The following CAMK1D variants were observed in gnomAD, a reference collection of about 807,000 sequenced individuals.
CAMK1D encodes the protein calcium/calmodulin-dependent protein kinase type 1D.
A neutral mutation model predicts 47.7 loss-of-function variants in CAMK1D; 9 were observed. That is an observed-to-expected ratio of 0.19 (90% CI 0.11 to 0.33). The LOEUF is 0.33. Ranked by LOEUF, CAMK1D falls within the 10% of genes least tolerant of loss-of-function variation. The pLI, the probability that CAMK1D is intolerant of heterozygous loss-of-function variation, is 1.00. For missense variants in CAMK1D, 291 were observed against 488.7 expected (o/e 0.60, Z 3.81); for synonymous variants, 184 against 184.9 (o/e 0.99, Z 0.04).
intron 1 of CAMK1D, among the ~76,000 whole-genome samples, chr10:12,535,617 C>T (rs1359439741): frequency 6.6e-6 from 1 of 152,212 alleles, no homozygotes; most frequent in Non-Finnish European, 1.5e-5. Context: ...TGGTCCTGTA[C>T]TCTGCAAACA....
intron 6 of CAMK1D, among the ~76,000 whole-genome samples, chr10:12,804,729 T>A (rs536148435): frequency 6.7e-6 from 1 of 148,898 alleles, no homozygotes; most frequent in East Asian, 2.0e-4. Flanking sequence ...AGCCTAGGAG[T>A]TCGAGACCAG....
At position 12,361,717 on chromosome 10, in the gene CAMK1D, G is replaced by A. The variant is rs529126454; in HGVS notation, c.92+11807G>A. ...ATTACAGGCGCCCACCACCACGCCT[G>A]GCTAATTTTTGTATTTTTAGTAGAG... On this transcript the variant is annotated intron_variant, in intron 1 of 10. Transcript: ENST00000619168. Among the ~76,000 whole-genome samples the A allele has an allele frequency of 5.5e-3, 816 of 148,840 alleles. 3 individuals carry two copies. The highest frequency in any genetic ancestry group is 0.028 in the South Asian group (129 of 4,652).
At chr10:12,765,532 T>C (rs1193804139) in intron 4 of CAMK1D, among the ~76,000 whole-genome samples, 1 of 152,142 alleles carries the variant, frequency 6.6e-6, no homozygotes, top group East Asian at 1.9e-4. Flanking sequence ...GTCCAGTAGG[T>C]CCAGTTTTTA....
At chr10:12,806,458 C>T (rs2493759) in intron 6 of CAMK1D, among the ~76,000 whole-genome samples, 25 of 152,348 alleles carry the variant, frequency 1.6e-4, no homozygotes, top group African/African-American at 6.0e-4. Context: ...TGTCAGACTG[C>T]TCTCTCTTCC....
At chr10:12,568,158 TTCCC>T (rs1238037708) in intron 2 of CAMK1D, among the ~76,000 whole-genome samples, 4,602 of 59,982 alleles carry the variant, frequency 0.077, 421 homozygotes, top group African/African-American at 0.24. Context: ...CCCTGTTTCC[TTCCC>T]TCCCTCCCTC....
chr10:12,798,204 C>T (rs1025727466), intron 6 of CAMK1D, among the ~76,000 whole-genome samples: 1 of 152,164 alleles, frequency 6.6e-6, no homozygotes, highest in African/African-American at 2.4e-5. Flanking sequence ...TCATCTTAAC[C>T]CCATCTCCTA....
chr10:12,381,725 G>A (rs1232902333), intron 1 of CAMK1D, among the ~76,000 whole-genome samples: 3 of 152,122 alleles, frequency 2.0e-5, no homozygotes, highest in African/African-American at 7.2e-5. Flanking sequence ...GAAGCAGTCC[G>A]CGTTCATGTT....
intron 3 of CAMK1D, among the ~76,000 whole-genome samples, chr10:12,690,722 C>T (rs1832843388): frequency 6.6e-6 from 1 of 152,146 alleles, no homozygotes; most frequent in African/African-American, 2.4e-5. Context: ...GAGGCCAGTC[C>T]TCTGAGTTGT....
chr10:12,538,885 C>CAAA (rs60713871), intron 1 of CAMK1D, among the ~76,000 whole-genome samples: 1 of 89,194 alleles, frequency 1.1e-5, no homozygotes, highest in African/African-American at 4.4e-5. Context: ...AAAACTGAGG[C>CAAA]AAAAAAAAAA....
At chr10:12,482,889 A>G (rs779555045) in intron 1 of CAMK1D, among the ~76,000 whole-genome samples, 11 of 152,176 alleles carry the variant, frequency 7.2e-5, no homozygotes, top group Non-Finnish European at 1.2e-4. Context: ...CATAAATAAC[A>G]TTGCCGCTGC....
At chr10:12,786,547 ATTTGTTTG>A (rs996615879) in intron 5 of CAMK1D, among the ~76,000 whole-genome samples, 1 of 152,032 alleles carries the variant, frequency 6.6e-6, no homozygotes, top group Admixed American at 6.6e-5. Flanking sequence ...GTATTTTTTT[ATTTGTTTG>A]TTTGTTTGTT....
intron 1 of CAMK1D, among the ~76,000 whole-genome samples, chr10:12,485,488 C>G (rs925906083): frequency 2.0e-5 from 3 of 152,134 alleles, no homozygotes; most frequent in African/African-American, 7.2e-5. Context: ...CTGCCACCTG[C>G]CTGTCCCAGG....
intron 1 of CAMK1D, among the ~76,000 whole-genome samples, chr10:12,479,513 C>G (rs914656297): frequency 2.0e-5 from 3 of 152,156 alleles, no homozygotes; most frequent in African/African-American, 7.2e-5. Context: ...GCATTTCTAA[C>G]AAGTTCCCCA....
intron 1 of CAMK1D, among the ~76,000 whole-genome samples, chr10:12,454,498 T>C (rs1833184204): frequency 6.6e-6 from 1 of 151,446 alleles, no homozygotes; most frequent in South Asian, 2.1e-4. Context: ...GGTCTTACTT[T>C]GTCACCTGGG....
chr10:12,727,134 T>C (rs941208165), intron 3 of CAMK1D, among the ~76,000 whole-genome samples: 1 of 152,236 alleles, frequency 6.6e-6, no homozygotes, highest in Non-Finnish European at 1.5e-5. Context: ...GAGCTGGGGC[T>C]TTACGGTTTT....
At chr10:12,587,813 C>T (rs77826475) in intron 2 of CAMK1D, among the ~76,000 whole-genome samples, 1,853 of 152,156 alleles carry the variant, frequency 0.012, 25 homozygotes, top group South Asian at 0.044. Context: ...TTAGCATCTC[C>T]GTAGATTTGT....
At chr10:12,771,935 G>A (rs1837057914) in intron 5 of CAMK1D, among the ~76,000 whole-genome samples, 1 of 152,162 alleles carries the variant, frequency 6.6e-6, no homozygotes, top group South Asian at 2.1e-4. Context: ...TTGGGAGGCT[G>A]AGGCAGGAGA....
chr10:12,478,316 T>C (rs1833963274), intron 1 of CAMK1D, among the ~76,000 whole-genome samples: 1 of 152,024 alleles, frequency 6.6e-6, no homozygotes, highest in African/African-American at 2.4e-5. Context: ...CCTGTACTTA[T>C]TTTTTGAGAC....
At chr10:12,442,755 A>G (rs1387715574) in intron 1 of CAMK1D, among the ~76,000 whole-genome samples, 3 of 152,190 alleles carry the variant, frequency 2.0e-5, no homozygotes, top group Admixed American at 1.3e-4. Flanking sequence ...TAAGAAGGAA[A>G]GGATCAGAAA....
Sources: allele counts gnomAD v4.1 joint callset (sites outside exome capture counted in the v4.1 genomes callset), GRCh38; gene constraint gnomAD v4.1.1; transcripts MANE v1.5; gene names NCBI Gene and HGNC (gene_info 2026-07-23, HGNC 2026-07-21).